Variants in BCAS3 observed in about 807,000 individuals in gnomAD.
The protein encoded by BCAS3 is BCAS4/BCAS3 fusion.
A neutral mutation model predicts 116.1 loss-of-function variants in BCAS3; 53 were observed. That is an observed-to-expected ratio of 0.46 (90% CI 0.37 to 0.57). The LOEUF (loss-of-function observed/expected upper bound fraction) is 0.57. Among genes scored for constraint, BCAS3 ranks in the 20% least tolerant of loss-of-function variants. BCAS3 has a pLI of 0.00. For missense variants in BCAS3, 917 were observed against 1,165.4 expected (o/e 0.79, Z 3.10); for synonymous variants, 391 against 408.2 (o/e 0.96, Z 0.51).
intron 5 of BCAS3, among the ~76,000 whole-genome samples, chr17:60,742,594 G>A (rs147097275): frequency 0.032 from 4,808 of 151,284 alleles, 243 homozygotes; most frequent in African/African-American, 0.11. Context: ...CACCATGCCC[G>A]GCTAATTTTT....
At chr17:61,036,613 A>G (rs140232511) in intron 17 of BCAS3, among the ~76,000 whole-genome samples, 104 of 152,110 alleles carry the variant, frequency 6.8e-4, no homozygotes, top group African/African-American at 2.2e-3. Flanking sequence ...TATTTTCTCA[A>G]ATCAGCTGTA....
chr17:61,057,293 A>G (rs1325699269), intron 19 of BCAS3, among the ~76,000 whole-genome samples: 1 of 152,228 alleles, frequency 6.6e-6, no homozygotes, highest in African/African-American at 2.4e-5. Context: ...CTTTCTGCTC[A>G]GTTTTCAATT....
At chr17:61,035,907 C>T (rs2066991877) in intron 17 of BCAS3, among the ~76,000 whole-genome samples, 1 of 152,186 alleles carries the variant, frequency 6.6e-6, no homozygotes, top group South Asian at 2.1e-4. Context: ...GCTATTCAGT[C>T]TGCCATTTGA....
Position 61,153,100 on chromosome 17 carries a change from C to T in BCAS3, c.2425+68536C>T, listed in dbSNP as rs1358745606. ...AACTCCCTTTCTCTTCCCATAGCTT[C>T]TGTAAATAAGAGAAGTGGCCTTTTC... On this transcript the variant is annotated intron_variant, in intron 22 of 23. Coordinates refer to ENST00000407086, the MANE Select transcript of BCAS3 (RefSeq NM_017679.5). 2.6e-5 allele frequency among the ~76,000 whole-genome samples: 4 copies of T among 152,196 alleles called. No individual in the cohort carries two copies. In the East Asian group the frequency reaches 5.8e-4, roughly 22 times the overall value.
intron 6 of BCAS3, among the ~76,000 whole-genome samples, chr17:60,764,116 C>T (rs1245210969): frequency 1.3e-5 from 2 of 151,506 alleles, no homozygotes; most frequent in African/African-American, 4.9e-5. Context: ...GCTAGTCTAT[C>T]AATTTTGTTA....
rs2074643538 is a variant in BCAS3, at chr17:61,106,262, C to T, written c.2425+21698C>T. Among the ~76,000 whole-genome samples the T allele has an allele frequency of 6.6e-6, 1 of 152,186 alleles. No individual in the cohort carries two copies. The highest frequency in any genetic ancestry group is 2.4e-5 in the African/African-American group (1 of 41,458). ...AGTCATGTATGGCATAGTGACCTTT[C>T]AGTCAACAGTGGACCTTATATGCTC... On this transcript the variant is annotated intron_variant, in intron 22 of 23. Transcript: ENST00000407086. The surrounding 1 kb of genome is among the most constrained non-coding windows in gnomAD (Gnocchi z 4.2).
At chr17:61,284,673 T>C (rs1442533419) in intron 22 of BCAS3, among the ~76,000 whole-genome samples, 1 of 152,072 alleles carries the variant, frequency 6.6e-6, no homozygotes. Context: ...CTCTTTTTTT[T>C]TTTCCCTCCT....
At chr17:61,187,758 G>A (rs144124138) in intron 22 of BCAS3, among the ~76,000 whole-genome samples, 1 of 152,138 alleles carries the variant, frequency 6.6e-6, no homozygotes, top group East Asian at 1.9e-4. Context: ...CAAGAGGTCA[G>A]TCTTTGAGGT....
chr17:60,858,982 A>G (rs546735996), intron 7 of BCAS3, among the ~76,000 whole-genome samples: 1 of 152,220 alleles, frequency 6.6e-6, no homozygotes, highest in Admixed American at 6.5e-5. Context: ...TCGTCATTTT[A>G]TTTATTATGA....
chr17:60,760,511 A>T (rs549054933), intron 6 of BCAS3, among the ~76,000 whole-genome samples: 29 of 145,818 alleles, frequency 2.0e-4, no homozygotes, highest in East Asian at 1.6e-3. Flanking sequence ...TTTTTTTTTT[A>T]AATTTTAGCA....
intron 6 of BCAS3, among the ~76,000 whole-genome samples, chr17:60,796,373 G>A (rs967668836): frequency 5.9e-5 from 9 of 151,974 alleles, no homozygotes; most frequent in African/African-American, 2.2e-4. Flanking sequence ...TTTTTTGTTG[G>A]TAATTTATAA....
At chr17:60,750,007 A>C (rs1220872963) in intron 6 of BCAS3, among the ~76,000 whole-genome samples, 2 of 152,134 alleles carry the variant, frequency 1.3e-5, no homozygotes, top group African/African-American at 4.8e-5. Context: ...CTCTACTAAA[A>C]ATACAAAAAA....
Position 61,387,436 on chromosome 17 carries a change from A to G in BCAS3, c.2594-4541A>G, listed in dbSNP as rs1361512591. Among the ~76,000 whole-genome samples the G allele has an allele frequency of 6.6e-6, 1 of 152,058 alleles. No individual in the cohort carries two copies. Among genetic ancestry groups the G allele is most frequent in the African/African-American group, 2.4e-5 (1 of 41,396 alleles). On this transcript the variant is annotated intron_variant, in intron 23 of 23. Transcript: ENST00000407086. This position sits in a 1 kb window ranked among gnomAD's most constrained non-coding sequence, Gnocchi z 6.2. ...CCCCCTCTGACACCTCTGAGTTTGG[A>G]TGGGCTCCATATGGAGTGGGGCAGC...
rs1327420247 is a variant in BCAS3, at chr17:61,118,673, AATT to A, written c.2425+34113_2425+34115del. On this transcript the variant is annotated intron_variant, in intron 22 of 23. Coordinates refer to ENST00000407086, the MANE Select transcript of BCAS3 (RefSeq NM_017679.5). The surrounding 1 kb of genome is among the most constrained non-coding windows in gnomAD (Gnocchi z 5.0). Reference sequence around the variant, plus strand: ...GTGTGGCGTTTGGGTAGAGAGAAGCAATTATTGTCTAAAAGTTTCTGTCTTGCT... The same window carrying A: ...GTGTGGCGTTTGGGTAGAGAGAAGCAATTGTCTAAAAGTTTCTGTCTTGCT... 6.6e-6 allele frequency among the ~76,000 whole-genome samples: 1 copy of A among 152,054 alleles called. No homozygotes were observed. The highest frequency in any genetic ancestry group is 1.5e-5 in the Non-Finnish European group (1 of 68,016).
At chr17:60,996,588 T>A (rs1289915377) in intron 15 of BCAS3, among the ~76,000 whole-genome samples, 1 of 152,180 alleles carries the variant, frequency 6.6e-6, no homozygotes, top group Non-Finnish European at 1.5e-5. Flanking sequence ...TAATATGATG[T>A]CTTTTTGACC....
chr17:60,757,032 G>A (rs1189798963), intron 6 of BCAS3, among the ~76,000 whole-genome samples: 3 of 151,968 alleles, frequency 2.0e-5, no homozygotes, highest in Middle Eastern at 3.2e-3. Context: ...GCGTGTTGGC[G>A]CGTGCCTGTA....
intron 6 of BCAS3, among the ~76,000 whole-genome samples, chr17:60,760,414 T>G (rs1377436032): frequency 1.1e-5 from 1 of 94,094 alleles, no homozygotes; most frequent in Non-Finnish European, 1.8e-5. Flanking sequence ...CCAGCTTTTG[T>G]TATCTTGGAA....
rs1175547278 is a variant in BCAS3 at position 61,327,500 on chromosome 17, A to T, written c.2426-40827A>T. On this transcript the variant is annotated intron_variant, in intron 22 of 23. Coordinates refer to ENST00000407086, the MANE Select transcript of BCAS3 (RefSeq NM_017679.5). This position sits in a 1 kb window ranked among gnomAD's most constrained non-coding sequence, Gnocchi z 5.9. ...GTGGAGATGAGGGAGCAAATAGAAA[A>T]TGAAGCAAAATTTTTTTTTTTTTAG... Among the ~76,000 whole-genome samples, 1 of 151,988 alleles carries T rather than the reference A, an allele frequency of 6.6e-6. No individual in the cohort carries two copies. Among genetic ancestry groups the T allele is most frequent in the African/African-American group, 2.4e-5 (1 of 41,362 alleles).
chr17:60,945,139 C>T (rs2060419331), intron 13 of BCAS3, among the ~76,000 whole-genome samples: 1 of 152,108 alleles, frequency 6.6e-6, no homozygotes, highest in Non-Finnish European at 1.5e-5. Context: ...AATTTTATCT[C>T]TATGCACTAG....
Sources: gnomAD v4.1 joint callset for allele counts (sites outside exome capture counted in the v4.1 genomes callset) on GRCh38, gnomAD v4.1.1 for gene constraint, Gnocchi (gnomAD v3.1) non-coding constraint, MANE v1.5 for transcripts, NCBI Gene and HGNC (gene_info 2026-07-23, HGNC 2026-07-21) for gene names.